Variants in MEIKIN observed in about 807,000 individuals in gnomAD.
MEIKIN encodes meiotic kinetochore factor, also known as meiosis-specific kinetochore protein.
At chr5:131,900,179 G>A (rs1020364774) in intron 8 of MEIKIN, among the ~76,000 whole-genome samples, 1 of 152,200 alleles carries the variant, frequency 6.6e-6, no homozygotes, top group Non-Finnish European at 1.5e-5. Flanking sequence ...AATAACAAGA[G>A]GGAAGAGGGA....
chr5:131,880,438 C>T (rs969139701), intron 8 of MEIKIN, among the ~76,000 whole-genome samples: 2 of 149,392 alleles, frequency 1.3e-5, no homozygotes, highest in African/African-American at 5.0e-5. Context: ...ACGGGGGTCT[C>T]ACCATGTTGG....
intron 11 of MEIKIN, among the ~76,000 whole-genome samples, chr5:131,826,775 C>T (rs970408234): frequency 2.0e-5 from 3 of 152,108 alleles, no homozygotes; most frequent in Non-Finnish European, 2.9e-5. Context: ...GAAGAAGGTA[C>T]CTGCTTCCCC....
In MEIKIN at chr5:131,845,272, T is replaced by TAAAAAAAAAAAA. The variant is rs1158220526; in HGVS notation, c.975+5980_975+5991dup. ...GTGACAGAGCGAGAAGACTTCGTCT[T>TAAAAAAAAAAAA]AAAAAAAAAAAAAAAAAAAAAAAAA... is the stretch of plus-strand genomic sequence containing the variant. On this transcript the variant is annotated intron_variant, in intron 11 of 12. Coordinates refer to ENST00000442687, the MANE Select transcript of MEIKIN (RefSeq NM_001303622.2). Among the ~76,000 whole-genome samples, 245 of 45,346 alleles carry TAAAAAAAAAAAA rather than the reference T, an allele frequency of 5.4e-3. 35 individuals carry two copies. Among genetic ancestry groups the TAAAAAAAAAAAA allele is most frequent in the African/African-American group, 0.031 (224 of 7,148 alleles). The allele number at this position is 45,346 out of a possible 152,430, so 29.7% of individuals were successfully genotyped here.
rs546625472 is a variant in MEIKIN at position 131,881,893 on chromosome 5, T to C, written c.704-2845A>G. Among the ~76,000 whole-genome samples, 61 of 152,276 alleles carry C rather than the reference T, an allele frequency of 4.0e-4. No individual in the cohort carries two copies. In the South Asian group the frequency reaches 6.0e-3, roughly 15 times the overall value. The stretch of plus-strand genomic sequence containing the variant: ...TATATATATGAAATTATATAGTATA[T>C]ACATGTGTGTTCTTTCACAAAACTT... On this transcript the variant is annotated intron_variant, in intron 8 of 12. Transcript: ENST00000442687.
intron 8 of MEIKIN, among the ~76,000 whole-genome samples, chr5:131,892,639 A>G (rs114949772): frequency 0.011 from 1,736 of 152,180 alleles, 23 homozygotes; most frequent in African/African-American, 0.039. Flanking sequence ...AAGGTTTTTA[A>G]TATCTTTGCT....
chr5:131,816,216 T>C (rs1773096765), intron 12 of MEIKIN, among the ~76,000 whole-genome samples: 1 of 152,234 alleles, frequency 6.6e-6, no homozygotes, highest in East Asian at 1.9e-4. Context: ...TGCAAATGGA[T>C]GCATAGTTGA....
At chr5:131,846,029 G>A (rs1358075215) in intron 11 of MEIKIN, among the ~76,000 whole-genome samples, 2 of 152,194 alleles carry the variant, frequency 1.3e-5, no homozygotes, top group East Asian at 1.9e-4. Flanking sequence ...AGCAGCAAGA[G>A]AAGTGACTTG....
chr5:131,848,029 G>T (rs1424840327), intron 11 of MEIKIN, among the ~76,000 whole-genome samples: 1 of 152,086 alleles, frequency 6.6e-6, no homozygotes. Flanking sequence ...AGTGAAAGCA[G>T]TGCTTAAAGG....
chr5:131,898,577 C>A (rs1211796552), intron 8 of MEIKIN, among the ~76,000 whole-genome samples: 1 of 152,248 alleles, frequency 6.6e-6, no homozygotes, highest in Non-Finnish European at 1.5e-5. Flanking sequence ...GCGGTGGGCT[C>A]TGCCCAGTTC....
intron 5 of MEIKIN, among the ~76,000 whole-genome samples, chr5:131,924,893 C>T (rs74383055): frequency 7.9e-5 from 12 of 152,258 alleles, no homozygotes; most frequent in African/African-American, 1.7e-4. Context: ...GAAATCACTG[C>T]TAAGACTAAT....
Position 131,921,888 on chromosome 5 carries a change from G to A in MEIKIN, c.532C>T (p.Leu178=), listed in dbSNP as rs1751511413. 2.5e-6 allele frequency: 1 copy of A among 398,890 alleles called. No individual in the cohort carries two copies. The highest frequency in any genetic ancestry group is 4.4e-5 in the Admixed American group (1 of 22,716). The allele number at this position is 398,890 out of a possible 1,614,324, so 24.7% of individuals were successfully genotyped here. A position where few individuals can be genotyped will look rare whatever the true frequency, so the allele number is the denominator to read the frequency against. The change falls in exon 6 of 13, where the codon CTG becomes TTG. Residue 178 remains leucine, a synonymous_variant. Transcript: ENST00000442687. ...ATCGCTACTGCTTTACTGGTATCCA[G>A]AAGAGTAGAATTCTTCCACTGCATG... ...EHMQWKNSTL[L]DTSKAVAIEK...
rs115049348 is a variant in MEIKIN, at chr5:131,879,152, G to C, written c.704-104C>G. ...AATTTGACAAAACAAAATAATATTT[G>C]TAAAACCCCTGATTTTAATGACTGC... On this transcript the variant is annotated intron_variant, in intron 8 of 12. Transcript: ENST00000442687. 4.1e-3 allele frequency: 1,615 copies of C among 392,304 alleles called. 26 individuals are homozygous for C. Among genetic ancestry groups the C allele is most frequent in the African/African-American group, 0.031 (1,500 of 48,536 alleles). 24.3% of individuals were successfully genotyped at this position (392,304 alleles called of 1,614,324 possible).
intron 12 of MEIKIN, among the ~76,000 whole-genome samples, chr5:131,811,412 G>A (rs1772951436): frequency 6.6e-6 from 1 of 150,854 alleles, no homozygotes; most frequent in African/African-American, 2.4e-5. Flanking sequence ...CTGGTATGCA[G>A]TGGTGCAATC....
intron 11 of MEIKIN, among the ~76,000 whole-genome samples, chr5:131,820,939 T>C (rs1343671061): frequency 2.6e-5 from 4 of 152,170 alleles, no homozygotes; most frequent in Non-Finnish European, 4.4e-5. Flanking sequence ...ACTTTGTTTA[T>C]CTTTTCAAAA....
rs146934858 is a variant in MEIKIN, at chr5:131,858,103, G to A, written c.775-3269C>T. 3.2e-3 allele frequency among the ~76,000 whole-genome samples: 492 copies of A among 152,292 alleles called. 3 individuals are homozygous for A. Among genetic ancestry groups the A allele is most frequent in the African/African-American group, 0.011 (463 of 41,580 alleles). On this transcript the variant is annotated intron_variant, in intron 9 of 12. Coordinates refer to ENST00000442687, the MANE Select transcript of MEIKIN (RefSeq NM_001303622.2). ...GAACACCGGGCCCCTCCAGTGCAGC[G>A]AGTTCCTAAGCTCCTGAGACCAGAG...
At chr5:131,917,353 G>A (rs991500606) in intron 6 of MEIKIN, among the ~76,000 whole-genome samples, 2 of 152,028 alleles carry the variant, frequency 1.3e-5, no homozygotes, top group Non-Finnish European at 2.9e-5. Context: ...ATCACCTGAG[G>A]TCAGGCGTTC....
At chr5:131,929,221 A>C (rs1259931359) in intron 5 of MEIKIN, among the ~76,000 whole-genome samples, 1 of 152,212 alleles carries the variant, frequency 6.6e-6, no homozygotes, top group African/African-American at 2.4e-5. Context: ...TGCTGCTTTC[A>C]AAACTGTCTT....
chr5:131,883,329 A>T (rs945890142), intron 8 of MEIKIN, among the ~76,000 whole-genome samples: 2 of 152,252 alleles, frequency 1.3e-5, no homozygotes, highest in African/African-American at 4.8e-5. Context: ...TATATCAGGC[A>T]GAAGATAAAA....
chr5:131,824,252 C>T lies in MEIKIN; in HGVS notation c.976-5389G>A, dbSNP rs79181795. Among the ~76,000 whole-genome samples the T allele has an allele frequency of 2.6e-5, 4 of 152,122 alleles. No individual in the cohort carries two copies. In the East Asian group the frequency reaches 7.7e-4, roughly 29 times the overall value. ...AATGCAGGCCAGGCGTGGTGGCTCACACTTGTAATCCCAGCACTTTGGGAG... is the reference window on the plus strand; with the variant it reads ...AATGCAGGCCAGGCGTGGTGGCTCATACTTGTAATCCCAGCACTTTGGGAG... On this transcript the variant is annotated intron_variant, in intron 11 of 12. Transcript: ENST00000442687.
Sources: allele counts gnomAD v4.1 joint callset (sites outside exome capture counted in the v4.1 genomes callset), GRCh38; gene constraint gnomAD v4.1.1; transcripts MANE v1.5; gene names NCBI Gene and HGNC (gene_info 2026-07-23, HGNC 2026-07-21).